The following PBX1 variants were observed in gnomAD, a reference collection of about 807,000 sequenced individuals.
PBX1 encodes the protein pre-B-cell leukemia transcription factor 1.
PBX1 carries 6 observed loss-of-function variants against 53.4 expected under a neutral mutation model. The ratio of observed to expected loss-of-function variants is 0.11; its 90% CI spans 0.06 to 0.22. The LOEUF (loss-of-function observed/expected upper bound fraction) is 0.22, where lower values mean the gene tolerates loss of function less well. PBX1 is among the 10% of genes least tolerant of loss of function. The pLI, the probability that PBX1 is intolerant of heterozygous loss-of-function variation, is 1.00. For missense variants in PBX1, 251 were observed against 551.4 expected, an observed-to-expected ratio of 0.46 and a Z score of 5.46; for synonymous variants, 204 against 212.3, an observed-to-expected ratio of 0.96 and a Z score of 0.34.
intron 2 of PBX1, among the ~76,000 whole-genome samples, chr1:164,709,040 C>T (rs942965165): frequency 1.3e-5 from 2 of 152,166 alleles, no homozygotes; most frequent in African/African-American, 2.4e-5. Context: ...AGCAAATCAG[C>T]GATGGCAGTG....
At chr1:164,668,996 T>C (rs1200633865) in intron 2 of PBX1, among the ~76,000 whole-genome samples, 1 of 152,106 alleles carries the variant, frequency 6.6e-6, no homozygotes, top group African/African-American at 2.4e-5. Context: ...TTCCCGCAGA[T>C]GAGAGAGGCA....
intron 2 of PBX1, among the ~76,000 whole-genome samples, chr1:164,693,998 A>T (rs777946046): frequency 6.6e-6 from 1 of 152,132 alleles, no homozygotes; most frequent in Non-Finnish European, 1.5e-5. Context: ...TCCCACCTCC[A>T]TGAAACCTTT....
intron 2 of PBX1, among the ~76,000 whole-genome samples, chr1:164,791,062 C>G (rs577148493): frequency 2.0e-5 from 3 of 152,178 alleles, no homozygotes; most frequent in African/African-American, 7.2e-5. Context: ...GACCCCTCTC[C>G]TCTGCCTTTA....
intron 2 of PBX1, among the ~76,000 whole-genome samples, chr1:164,714,272 A>T (rs1372981926): frequency 6.6e-6 from 1 of 152,234 alleles, no homozygotes; most frequent in Non-Finnish European, 1.5e-5. Context: ...GGGATCTTAC[A>T]TGTATGATCT....
intron 2 of PBX1, among the ~76,000 whole-genome samples, chr1:164,782,458 G>C (rs1394858136): frequency 6.6e-6 from 1 of 152,178 alleles, no homozygotes; most frequent in East Asian, 1.9e-4. Context: ...CGTCTCCTGT[G>C]ATCTGTAGAA....
At chr1:164,741,073 T>C (rs776654971) in intron 2 of PBX1, among the ~76,000 whole-genome samples, 15 of 152,280 alleles carry the variant, frequency 9.9e-5, no homozygotes, top group Non-Finnish European at 2.1e-4. Context: ...CTGTCTGCCT[T>C]GGCACTATGT....
intron 2 of PBX1, among the ~76,000 whole-genome samples, chr1:164,588,420 C>T (rs1478480673): frequency 7.1e-6 from 1 of 141,322 alleles, no homozygotes; most frequent in Non-Finnish European, 1.5e-5. Context: ...TGTAAGTGCA[C>T]ACACACACAG....
chr1:164,671,180 GC>G (rs1209983355), intron 2 of PBX1, among the ~76,000 whole-genome samples: 2 of 143,352 alleles, frequency 1.4e-5, no homozygotes, highest in East Asian at 2.0e-4. Flanking sequence ...TGCTAAGATA[GC>G]CCTTTTTTTT....
chr1:164,804,044 TTA>T (rs1251906135), intron 4 of PBX1, among the ~76,000 whole-genome samples: 3 of 152,148 alleles, frequency 2.0e-5, no homozygotes, highest in East Asian at 1.9e-4. Flanking sequence ...TTGTACATTG[TTA>T]TATATATACA....
chr1:164,584,936 T>G (rs1026766079), intron 2 of PBX1, among the ~76,000 whole-genome samples: 25 of 152,226 alleles, frequency 1.6e-4, no homozygotes, highest in African/African-American at 6.0e-4. Context: ...CTGTTCATGT[T>G]GACCTTTTGT....
intron 2 of PBX1, among the ~76,000 whole-genome samples, chr1:164,622,573 C>T (rs1348800350): frequency 4.6e-5 from 7 of 152,146 alleles, no homozygotes; most frequent in Non-Finnish European, 1.0e-4. Context: ...ATGCTGTTAA[C>T]TCATCTCCCC....
chr1:164,726,828 C>T (rs934678593), intron 2 of PBX1, among the ~76,000 whole-genome samples: 1 of 152,108 alleles, frequency 6.6e-6, no homozygotes, highest in African/African-American at 2.4e-5. Flanking sequence ...TCTGGAACAT[C>T]GAGGTTCCAG....
chr1:164,782,063 CA>C (rs991592037), intron 2 of PBX1, among the ~76,000 whole-genome samples: 5 of 152,172 alleles, frequency 3.3e-5, no homozygotes, highest in African/African-American at 1.2e-4. Flanking sequence ...ATGGCTTAAA[CA>C]AAATACAAGT....
At chr1:164,824,851 C>T (rs1237749403) in intron 8 of PBX1, among the ~76,000 whole-genome samples, 1 of 152,226 alleles carries the variant, frequency 6.6e-6, no homozygotes, top group Non-Finnish European at 1.5e-5. Flanking sequence ...CCTATCCATT[C>T]TCACTGCCAC....
At chr1:164,645,924 A>G (rs1046100745) in intron 2 of PBX1, among the ~76,000 whole-genome samples, 1 of 152,122 alleles carries the variant, frequency 6.6e-6, no homozygotes, top group Admixed American at 6.5e-5. Context: ...GAAGTGGAAG[A>G]CTTGGATCCA....
intron 8 of PBX1, among the ~76,000 whole-genome samples, chr1:164,823,941 T>C (rs6698381): frequency 0.39 from 59,354 of 151,888 alleles, 11,856 homozygotes; most frequent in African/African-American, 0.44. Flanking sequence ...TATTTTTAGA[T>C]GGTGGTATTC....
At chr1:164,780,786 A>G (rs1667895391) in intron 2 of PBX1, among the ~76,000 whole-genome samples, 1 of 152,284 alleles carries the variant, frequency 6.6e-6, no homozygotes, top group South Asian at 2.1e-4. Context: ...ATAATTTGCA[A>G]TCTGGAGCTC....
At chr1:164,628,939 C>G (rs1658225807) in intron 2 of PBX1, among the ~76,000 whole-genome samples, 1 of 152,192 alleles carries the variant, frequency 6.6e-6, no homozygotes, top group Admixed American at 6.5e-5. Flanking sequence ...TGCTCATGTC[C>G]CTCTCAAGTA....
At chr1:164,561,104 C>T (rs574098418) in intron 1 of PBX1, among the ~76,000 whole-genome samples, 1 of 152,182 alleles carries the variant, frequency 6.6e-6, no homozygotes, top group Admixed American at 6.5e-5. Flanking sequence ...AATCTAATGA[C>T]CACATATGTC....
Sources: allele counts gnomAD v4.1 joint callset (sites outside exome capture counted in the v4.1 genomes callset), GRCh38; gene constraint gnomAD v4.1.1; transcripts MANE v1.5; gene names NCBI Gene and HGNC (gene_info 2026-07-23, HGNC 2026-07-21).